Variants in ARHGAP24 observed in about 807,000 individuals in gnomAD.
ARHGAP24 encodes rho GTPase-activating protein 24.
Under a neutral mutation model 76.4 loss-of-function variants are expected in ARHGAP24, and 50 were observed. That is an observed-to-expected ratio of 0.65 (90% CI 0.52 to 0.83). The LOEUF is 0.83. Among genes scored for constraint, ARHGAP24 ranks in the 40% least tolerant of loss-of-function variants. The pLI, the probability that ARHGAP24 is intolerant of heterozygous loss-of-function variation, is 0.00. For missense variants in ARHGAP24, 930 were observed against 914.2 expected, an observed-to-expected ratio of 1.02 and a Z score of -0.22; for synonymous variants, 345 against 323.3, an observed-to-expected ratio of 1.07 and a Z score of -0.72.
At chr4:85,600,237 A>T (rs1412554982) in intron 2 of ARHGAP24, among the ~76,000 whole-genome samples, 2 of 152,212 alleles carry the variant, frequency 1.3e-5, no homozygotes, top group African/African-American at 2.4e-5. Context: ...TGCAGTGAGA[A>T]GGGCTAGAGA....
At position 85,917,883 on chromosome 4, in the gene ARHGAP24, T is replaced by C. The variant is rs1735511537; in HGVS notation, c.269-5765T>C. On this transcript the variant is annotated intron_variant, in intron 3 of 9. Coordinates refer to ENST00000395184, the MANE Select transcript of ARHGAP24 (RefSeq NM_001025616.3). ...GTACAATAAAATGTTTCTTAGAGTA[T>C]AATTTTTAGAAAAGTAATGCACATA... Among the ~76,000 whole-genome samples, 4 of 152,168 alleles carry C rather than the reference T, an allele frequency of 2.6e-5. No homozygotes were observed. In the South Asian group the frequency reaches 8.3e-4, roughly 32 times the overall value.
At chr4:85,668,823 A>G (rs1164333452) in intron 2 of ARHGAP24, among the ~76,000 whole-genome samples, 11 of 152,170 alleles carry the variant, frequency 7.2e-5, no homozygotes, top group Non-Finnish European at 1.5e-5. Flanking sequence ...AAAATGTTGG[A>G]TATGTACTTT....
intron 1 of ARHGAP24, among the ~76,000 whole-genome samples, chr4:85,554,723 T>C (rs547512769): frequency 1.3e-5 from 2 of 152,236 alleles, no homozygotes; most frequent in Non-Finnish European, 1.5e-5. Flanking sequence ...GTGTTTGTAG[T>C]GCAGTGGTGC....
At chr4:85,688,847 C>A (rs1389155706) in intron 2 of ARHGAP24, among the ~76,000 whole-genome samples, 1 of 151,992 alleles carries the variant, frequency 6.6e-6, no homozygotes, top group Admixed American at 6.6e-5. Context: ...TGTTGAAGAT[C>A]TTGTTATTGT....
chr4:85,991,804 C>T (rs1248880998), intron 8 of ARHGAP24: 1 of 204,654 alleles, frequency 4.9e-6, no homozygotes, highest in African/African-American at 2.3e-5. Flanking sequence ...AGGTGTCTTA[C>T]AGATATGTTC....
intron 3 of ARHGAP24, among the ~76,000 whole-genome samples, chr4:85,869,902 T>G (rs1381623370): frequency 2.0e-5 from 3 of 152,124 alleles, no homozygotes; most frequent in Non-Finnish European, 4.4e-5. Context: ...GTGAGGAGCT[T>G]GGGCTATGCA....
chr4:85,508,501 A>G (rs1724148873), intron 1 of ARHGAP24, among the ~76,000 whole-genome samples: 1 of 152,198 alleles, frequency 6.6e-6, no homozygotes, highest in African/African-American at 2.4e-5. Flanking sequence ...ACCTAAGGCA[A>G]AAAGACCGAG....
chr4:85,772,155 T>G (rs1254804219), intron 3 of ARHGAP24, among the ~76,000 whole-genome samples: 1 of 152,248 alleles, frequency 6.6e-6, no homozygotes, highest in Non-Finnish European at 1.5e-5. Context: ...AGGAGCTAGT[T>G]GCTCTAAAGC....
At chr4:85,863,950 T>A (rs952865430) in intron 3 of ARHGAP24, among the ~76,000 whole-genome samples, 1 of 152,052 alleles carries the variant, frequency 6.6e-6, no homozygotes, top group African/African-American at 2.4e-5. Context: ...GGAGGCAGTG[T>A]CTGATTTAGA....
chr4:85,652,182 T>C (rs55798888), intron 2 of ARHGAP24, among the ~76,000 whole-genome samples: 59,464 of 151,960 alleles, frequency 0.39, 13,140 homozygotes, highest in East Asian at 0.84. Flanking sequence ...TCACATTTAA[T>C]AATAAGATAA....
At chr4:85,839,907 T>A (rs1460127075) in intron 3 of ARHGAP24, among the ~76,000 whole-genome samples, 2 of 137,108 alleles carry the variant, frequency 1.5e-5, no homozygotes, top group Non-Finnish European at 3.1e-5. Flanking sequence ...TGGAGTGCAG[T>A]GGCGCAACCT....
At chr4:85,894,995 A>AAG in intron 3 of ARHGAP24, among the ~76,000 whole-genome samples, 4 of 23,912 alleles carry the variant, frequency 1.7e-4, no homozygotes, top group Non-Finnish European at 2.7e-4. Flanking sequence ...AAAACAAAAC[A>AAG]AAAAGCAAAA....
At chr4:85,601,819 A>C (rs189337602) in intron 2 of ARHGAP24, among the ~76,000 whole-genome samples, 1 of 152,244 alleles carries the variant, frequency 6.6e-6, no homozygotes, top group African/African-American at 2.4e-5. Context: ...TTCCACTTGG[A>C]AAAGCTATTT....
chr4:85,918,801 A>T (rs1323228808), intron 3 of ARHGAP24, among the ~76,000 whole-genome samples: 2 of 152,198 alleles, frequency 1.3e-5, no homozygotes, highest in Non-Finnish European at 2.9e-5. Context: ...AAATTGAATG[A>T]TGTGGCCAAC....
Position 85,683,957 on chromosome 4 carries a change from A to C in ARHGAP24, c.181-37928A>C, listed in dbSNP as rs541750772. ...TTCCTTTAAGGCTGAATGATATTCC[A>C]TTGTATATATATATACTGCATTTTC... On this transcript the variant is annotated intron_variant, in intron 2 of 9. Coordinates refer to ENST00000395184, the MANE Select transcript of ARHGAP24 (RefSeq NM_001025616.3). Among the ~76,000 whole-genome samples, 25 of 152,196 alleles carry C rather than the reference A, an allele frequency of 1.6e-4. No homozygotes were observed. In the South Asian group the frequency reaches 5.0e-3, roughly 30 times the overall value.
At chr4:85,759,918 A>G (rs1014575815) in intron 3 of ARHGAP24, among the ~76,000 whole-genome samples, 3 of 152,188 alleles carry the variant, frequency 2.0e-5, no homozygotes, top group Non-Finnish European at 4.4e-5. Flanking sequence ...CTCAGTAGTC[A>G]ACTCAGAGAT....
chr4:85,487,940 C>G (rs1475150248), intron 1 of ARHGAP24, among the ~76,000 whole-genome samples: 1 of 142,554 alleles, frequency 7.0e-6, no homozygotes, highest in Non-Finnish European at 1.5e-5. Flanking sequence ...GAATCTTGCT[C>G]TGTCGCCCGG....
chr4:85,643,305 GCGGAC>G (rs1721600461), intron 2 of ARHGAP24, among the ~76,000 whole-genome samples: 1 of 62,878 alleles, frequency 1.6e-5, no homozygotes. Context: ...AGGCTGGACT[GCGGAC>G]TGCAGTGGCG....
At chr4:85,982,511 G>C (rs1739727913) in intron 8 of ARHGAP24, among the ~76,000 whole-genome samples, 1 of 152,058 alleles carries the variant, frequency 6.6e-6, no homozygotes, top group African/African-American at 2.4e-5. Context: ...ATTTAACCCA[G>C]GATCAATCAG....
Sources: allele counts gnomAD v4.1 joint callset (sites outside exome capture counted in the v4.1 genomes callset), GRCh38; gene constraint gnomAD v4.1.1; transcripts MANE v1.5; gene names NCBI Gene and HGNC (gene_info 2026-07-23, HGNC 2026-07-21).